Variants in MOB3A observed in about 807,000 individuals in gnomAD.
The protein encoded by MOB3A is MOB kinase activator 3A.
In MOB3A, 17 loss-of-function variants were observed where a neutral mutation model predicts 17.8. The observed-to-expected ratio is 0.95, with a 90% CI of 0.65 to 1.43. The LOEUF (loss-of-function observed/expected upper bound fraction) is 1.43. Ranked by LOEUF, MOB3A falls within the 40% of genes most tolerant of loss-of-function variation. The pLI is 0.00. For synonymous variants in MOB3A, 124 were observed against 133.2 expected, an observed-to-expected ratio of 0.93 and a Z score of 0.48; for missense variants, 333 against 310.8, an observed-to-expected ratio of 1.07 and a Z score of -0.54.
rs573298000 is a variant in MOB3A at position 2,093,093 on chromosome 19, T to C, written c.-274+3133A>G. Among the ~76,000 whole-genome samples the C allele has an allele frequency of 2.0e-5, 3 of 152,104 alleles. No homozygotes were observed. The South Asian group carries it at 6.2e-4, about 32-fold the overall frequency. On this transcript the variant is annotated intron_variant, in intron 1 of 4. Transcript: ENST00000357066. This position sits in a 1 kb window ranked among gnomAD's most constrained non-coding sequence, Gnocchi z 4.6. ...TTAAAACCCCAAGCTCAGTCAGCTGTGTGGGGAATTTTTCTGAAACCTCCA... is the reference window on the plus strand; with the variant it reads ...TTAAAACCCCAAGCTCAGTCAGCTGCGTGGGGAATTTTTCTGAAACCTCCA...
chr19:2,073,419 T>C lies in MOB3A; in HGVS notation c.630A>G (p.Glu210=). The C allele has an allele frequency of 1.2e-6, 2 of 1,613,844 alleles. No homozygotes were observed. The highest frequency in any genetic ancestry group is 1.7e-6 in the Non-Finnish European group (2 of 1,180,006). ...IDTKELEPLK[E]MTARMCH Reference sequence around the variant, plus strand: ...CTCAGTGGCACATCCGGGCGGTCATTTCTTTCTGTAAAGAGCAAGCAAGAC... The same window carrying C: ...CTCAGTGGCACATCCGGGCGGTCATCTCTTTCTGTAAAGAGCAAGCAAGAC... The change falls in exon 5 of 5, where the codon GAA becomes GAG. Residue 210 remains glutamate, a synonymous_variant. Coordinates refer to ENST00000357066, the MANE Select transcript of MOB3A (RefSeq NM_130807.3).
chr19:2,094,078 A>C (rs1255379169), intron 1 of MOB3A, among the ~76,000 whole-genome samples: 2 of 121,612 alleles, frequency 1.6e-5, no homozygotes, highest in African/African-American at 3.3e-5. Flanking sequence ...ACAGAGTCTC[A>C]CTCTGTCGCC....
intron 1 of MOB3A, among the ~76,000 whole-genome samples, chr19:2,092,091 T>TTG (rs1444280360): frequency 2.0e-5 from 3 of 150,302 alleles, no homozygotes; most frequent in South Asian, 2.1e-4. Flanking sequence ...GGTTTTTTTT[T>TTG]TTTTTTTTTT....
intron 1 of MOB3A, among the ~76,000 whole-genome samples, chr19:2,091,870 G>A (rs189049200): frequency 2.3e-4 from 34 of 150,104 alleles, no homozygotes; most frequent in African/African-American, 7.8e-4. Flanking sequence ...GGTGGCGGGC[G>A]CCTGTAATCC....
At chr19:2,089,744 T>C (rs1406042368) in intron 1 of MOB3A, among the ~76,000 whole-genome samples, 2 of 152,188 alleles carry the variant, frequency 1.3e-5, no homozygotes, top group Non-Finnish European at 1.5e-5. Flanking sequence ...TATTCTGGTG[T>C]CTGGTGTGAG....
intron 4 of MOB3A, 50 bp from the exon 5 acceptor site, chr19:2,073,474 G>GTC: frequency 6.2e-7 from 1 of 1,611,900 alleles, no homozygotes; most frequent in Non-Finnish European, 8.5e-7. Flanking sequence ...TCCTAAAAGG[G>GTC]GTGATGCGAA....
At position 2,078,086 on chromosome 19, in the gene MOB3A, C is replaced by T. The variant is rs540828910; in HGVS notation, c.421+54G>A. 7.4e-6 allele frequency: 11 copies of T among 1,492,314 alleles called. No homozygotes were observed. In the East Asian group the frequency reaches 2.4e-4, roughly 32 times the overall value. 92.4% of individuals were successfully genotyped at this position (1,492,314 alleles called of 1,614,324 possible). A position where few individuals can be genotyped will look rare whatever the true frequency, so the allele number is the denominator to read the frequency against. On this transcript the variant is annotated intron_variant, in intron 3 of 4. Transcript: ENST00000357066. ...GGTGTGAGCCACTGTGCTCGGCCTC[C>T]CTGACTTTTCTGGAAGGCTCTGTAT...
At position 2,084,015 on chromosome 19, in the gene MOB3A, TC is replaced by T. The variant is rs1459671442; in HGVS notation, c.-120+1159del. 2.9e-5 allele frequency: 11 copies of T among 384,154 alleles called. No individual in the cohort carries two copies. The East Asian group carries it at 1.0e-3, about 36-fold the overall frequency. 23.8% of individuals were successfully genotyped at this position (384,154 alleles called of 1,614,324 possible). On this transcript the variant is annotated intron_variant, in intron 2 of 4. Coordinates refer to ENST00000357066, the MANE Select transcript of MOB3A (RefSeq NM_130807.3). ...TTGAACTCCTGGTCTCAAGTGATCCTCCTACGTCAGCTTCCCAAAGTGCTGG... is the reference window on the plus strand; with the variant it reads ...TTGAACTCCTGGTCTCAAGTGATCCTCTACGTCAGCTTCCCAAAGTGCTGG...
In MOB3A at chr19:2,078,460, T is replaced by C. The variant is rs2017445092; in HGVS notation, c.101A>G (p.Lys34Arg). The C allele has an allele frequency of 1.2e-6, 2 of 1,612,768 alleles. No homozygotes were observed. Among genetic ancestry groups the C allele is most frequent in the Non-Finnish European group, 1.7e-6 (2 of 1,179,034 alleles). Reference sequence around the variant, plus strand: ...CCCGGCGTTCAGCGACGCCTGCGCCTTCTTGTGCAGCTCGAAGCGCTGGGT... The same window carrying C: ...CCCGGCGTTCAGCGACGCCTGCGCCCTCTTGTGCAGCTCGAAGCGCTGGGT... ...PGTQRFELHK[K>R]AQASLNAGLD... The change falls in exon 3 of 5, where the codon AAG (lysine) becomes AGG (arginine). Residue 34 changes from lysine (K) to arginine (R), a missense_variant. Lys to Arg is a conservative substitution (Grantham distance 26). Transcript: ENST00000357066.
chr19:2,088,710 C>T (rs983358350), intron 1 of MOB3A, among the ~76,000 whole-genome samples: 7 of 151,954 alleles, frequency 4.6e-5, no homozygotes, highest in Admixed American at 1.3e-4. Flanking sequence ...CCTCATGATC[C>T]GCCCGCCTCG....
intron 2 of MOB3A, among the ~76,000 whole-genome samples, chr19:2,083,315 GA>G (rs904400146): frequency 6.6e-6 from 1 of 152,182 alleles, no homozygotes; most frequent in African/African-American, 2.4e-5. Flanking sequence ...TGTTGGGGGG[GA>G]CCTGAGGCCC....
chr19:2,077,059 A>G (rs753825901), intron 3 of MOB3A, 46 bp from the exon 4 acceptor site: 3 of 1,546,276 alleles, frequency 1.9e-6, no homozygotes, highest in Non-Finnish European at 2.7e-6. Context: ...AGCCAAGTCC[A>G]TGTCCAGAAC....
At position 2,078,391 on chromosome 19, in the gene MOB3A, A is replaced by C; in HGVS notation, c.170T>G (p.Leu57Arg). ...CACGTGAACAGCCACCCAGTCGTTC[A>C]GGTCCTCGCCCGGGGGCAACTGCAC... ...LAVQLPPGED[L>R]NDWVAVHVVD... The change falls in exon 3 of 5, where the codon CTG (leucine) becomes CGG (arginine). Residue 57 changes from leucine to arginine, a missense_variant. Physicochemically the swap from Leu to Arg is moderately radical, Grantham distance 102. Coordinates refer to ENST00000357066, the MANE Select transcript of MOB3A (RefSeq NM_130807.3). 1 of 1,614,166 alleles carries C rather than the reference A, an allele frequency of 6.2e-7. No individual in the cohort carries two copies. Among genetic ancestry groups the C allele is most frequent in the Non-Finnish European group, 8.5e-7 (1 of 1,180,028 alleles).
intron 1 of MOB3A, among the ~76,000 whole-genome samples, chr19:2,087,059 G>C (rs971702572): frequency 6.6e-6 from 1 of 152,174 alleles, no homozygotes; most frequent in Admixed American, 6.5e-5. Context: ...CCAAAGTGCA[G>C]GGATTACAGG....
intron 2 of MOB3A, 60 bp from the exon 3 acceptor site, chr19:2,078,739 G>C (rs2017450568): frequency 3.3e-6 from 2 of 597,968 alleles, no homozygotes; most frequent in Admixed American, 6.7e-5. Flanking sequence ...GGAAACTCGT[G>C]CTGAGGGCAC....
At chr19:2,076,716 C>A (rs965345201) in intron 4 of MOB3A, 95 bp downstream of exon 4, 33 of 1,319,264 alleles carry the variant, frequency 2.5e-5, no homozygotes, top group Non-Finnish European at 3.3e-5. Context: ...CTGGGCCGAC[C>A]GCAAGCAGTC....
At position 2,079,229 on chromosome 19, in the gene MOB3A, T is replaced by G. The variant is rs114860516; in HGVS notation, c.-119-550A>C. On this transcript the variant is annotated intron_variant, in intron 2 of 4. Transcript: ENST00000357066. ...GGGGCCGCATCTTCCCCGGTGCCGATGCCTGGCCCGGACCTAGACTTGCTG... is the reference window on the plus strand; with the variant it reads ...GGGGCCGCATCTTCCCCGGTGCCGAGGCCTGGCCCGGACCTAGACTTGCTG... Among the ~76,000 whole-genome samples the G allele has an allele frequency of 7.5e-3, 1,149 of 152,366 alleles. 20 individuals are homozygous for G. Among genetic ancestry groups the G allele is most frequent in the African/African-American group, 0.026 (1,078 of 41,590 alleles).
chr19:2,076,705 G>C, intron 4 of MOB3A, 106 bp downstream of exon 4: 1 of 1,200,420 alleles, frequency 8.3e-7, no homozygotes, highest in South Asian at 1.4e-5. Flanking sequence ...GCCGCCAGCT[G>C]CTGGGCCGAC....
intron 2 of MOB3A, among the ~76,000 whole-genome samples, chr19:2,079,496 G>A (rs372099938): frequency 2.0e-5 from 3 of 152,232 alleles, no homozygotes; most frequent in African/African-American, 2.4e-5. Flanking sequence ...GTGCGAGGAT[G>A]CAGGCAGAGA....
Sources: allele counts gnomAD v4.1 joint callset (sites outside exome capture counted in the v4.1 genomes callset), GRCh38; gene constraint gnomAD v4.1.1; non-coding constraint Gnocchi (gnomAD v3.1); transcripts MANE v1.5; gene names NCBI Gene and HGNC (gene_info 2026-07-23, HGNC 2026-07-21).